The following RNF2 variants were observed in gnomAD, a reference collection of about 807,000 sequenced individuals.
RNF2 encodes the protein E3 ubiquitin-protein ligase RING2.
Under a neutral mutation model 37.2 loss-of-function variants are expected in RNF2, and 6 were observed. The ratio of observed to expected loss-of-function variants is 0.16; its 90% confidence interval spans 0.09 to 0.32. The LOEUF (loss-of-function observed/expected upper bound fraction) is 0.32. RNF2 is among the 10% of genes least tolerant of loss of function. The probability of loss-of-function intolerance (pLI) is 1.00; values close to 1 mark genes in which losing one functional copy is unlikely to be tolerated. For missense variants in RNF2, 251 were observed against 404.0 expected (o/e 0.62, Z 3.25); for synonymous variants, 133 against 132.7 (o/e 1.00, Z -0.02).
chr1:185,079,494 T>C (rs1311208539), intron 1 of RNF2, among the ~76,000 whole-genome samples: 1 of 152,264 alleles, frequency 6.6e-6, no homozygotes, highest in Non-Finnish European at 1.5e-5. Context: ...AAAGCATCTT[T>C]GAAACAACCA....
chr1:185,080,100 G>A (rs979146026), intron 1 of RNF2, among the ~76,000 whole-genome samples: 2 of 152,090 alleles, frequency 1.3e-5, no homozygotes, highest in African/African-American at 4.8e-5. Context: ...ATTTTGTGTG[G>A]CACCTCACTT....
At position 185,101,757 on chromosome 1, in the gene RNF2, C is replaced by T. The variant is rs142668963; in HGVS notation, c.*1456C>T. ...AGCTTGATGTTTTAAATCTTCAGCCCGGTATGAAAACTTAAAGGTATATAT... is the reference window on the plus strand; with the variant it reads ...AGCTTGATGTTTTAAATCTTCAGCCTGGTATGAAAACTTAAAGGTATATAT... On this transcript the variant is annotated 3_prime_UTR_variant, in exon 7 of 7. Coordinates refer to ENST00000367510, the MANE Select transcript of RNF2 (RefSeq NM_007212.4). 26 of 150,336 alleles carry T rather than the reference C, an allele frequency of 1.7e-4. No individual in the cohort carries two copies. Among genetic ancestry groups the T allele is most frequent in the African/African-American group, 3.9e-4 (16 of 40,720 alleles). 9.3% of individuals were successfully genotyped at this position (150,336 alleles called of 1,614,324 possible).
At chr1:185,087,477 T>A (rs1651636055) in intron 1 of RNF2, 75 bp from the exon 2 acceptor site, 22 of 1,224,598 alleles carry the variant, frequency 1.8e-5, no homozygotes, top group Non-Finnish European at 2.6e-5. Flanking sequence ...GGAATTTTGG[T>A]GGGACACATA....
chr1:185,046,702 C>T (rs1304776247), intron 1 of RNF2, among the ~76,000 whole-genome samples: 1 of 152,098 alleles, frequency 6.6e-6, no homozygotes, highest in Non-Finnish European at 1.5e-5. Flanking sequence ...TTTAGTAATA[C>T]GCTGTTTTTC....
chr1:185,048,766 TA>T (rs201413941), intron 1 of RNF2, among the ~76,000 whole-genome samples: 29 of 146,944 alleles, frequency 2.0e-4, no homozygotes, highest in African/African-American at 1.7e-4. Flanking sequence ...TCACATGTAG[TA>T]AAAAAAAAAA....
chr1:185,060,980 G>A (rs867962013), intron 1 of RNF2, among the ~76,000 whole-genome samples: 3 of 152,028 alleles, frequency 2.0e-5, no homozygotes, highest in African/African-American at 2.4e-5. Flanking sequence ...GTAGCTGAGC[G>A]TGGTCATGAG....
intron 1 of RNF2, among the ~76,000 whole-genome samples, chr1:185,056,147 GGAGTTCTCCATTACTTGAA>G (rs1188989013): frequency 2.6e-5 from 4 of 151,860 alleles, no homozygotes; most frequent in Admixed American, 1.3e-4. Flanking sequence ...ATTTTTTTCA[GGAGTTCTCCATTACTTGAA>G]GAGTTCTCCA....
intron 2 of RNF2, among the ~76,000 whole-genome samples, chr1:185,091,027 G>A (rs1171822788): frequency 1.3e-5 from 2 of 152,154 alleles, no homozygotes; most frequent in African/African-American, 4.8e-5. Context: ...AATTTTCGGG[G>A]TTCAAAAGTA....
At chr1:185,087,668 C>T in intron 2 of RNF2, 28 bp downstream of exon 2, 6 of 1,508,258 alleles carry the variant, frequency 4.0e-6, no homozygotes, top group Non-Finnish European at 5.5e-6. Flanking sequence ...TGCCAAGGGG[C>T]ATATGAGACG....
chr1:185,085,068 A>G (rs1263340680), intron 1 of RNF2, among the ~76,000 whole-genome samples: 4 of 151,330 alleles, frequency 2.6e-5, no homozygotes, highest in Non-Finnish European at 5.9e-5. Flanking sequence ...CTTCCAACGC[A>G]TACTTTTCTT....
intron 1 of RNF2, among the ~76,000 whole-genome samples, chr1:185,059,498 GTTATCTC>G (rs920507918): frequency 7.4e-4 from 112 of 152,260 alleles, no homozygotes; most frequent in African/African-American, 2.6e-3. Flanking sequence ...GCAAATTAGT[GTTATCTC>G]TAATCACATT....
At chr1:185,059,797 C>G (rs1650547587) in intron 1 of RNF2, among the ~76,000 whole-genome samples, 1 of 152,198 alleles carries the variant, frequency 6.6e-6, no homozygotes, top group African/African-American at 2.4e-5. Flanking sequence ...ATATTTTTAT[C>G]TCTAGAAATG....
chr1:185,048,760 A>G (rs951127826), intron 1 of RNF2, among the ~76,000 whole-genome samples: 1 of 152,118 alleles, frequency 6.6e-6, no homozygotes, highest in Non-Finnish European at 1.5e-5. Flanking sequence ...TGAAAATCAC[A>G]TGTAGTAAAA....
At chr1:185,056,137 A>AT (rs1425521632) in intron 1 of RNF2, among the ~76,000 whole-genome samples, 2 of 152,160 alleles carry the variant, frequency 1.3e-5, no homozygotes, top group African/African-American at 2.4e-5. Context: ...CTTCTGAAAT[A>AT]TTTTTTTCAG....
chr1:185,096,601 C>G (rs1282434086), intron 4 of RNF2, among the ~76,000 whole-genome samples: 1 of 151,326 alleles, frequency 6.6e-6, no homozygotes, highest in Non-Finnish European at 1.5e-5. Flanking sequence ...ATTTATTTCT[C>G]TTTTTACTTG....
chr1:185,098,653 C>G (rs1452417144), intron 5 of RNF2, among the ~76,000 whole-genome samples: 5 of 152,184 alleles, frequency 3.3e-5, no homozygotes, highest in South Asian at 4.1e-4. Flanking sequence ...TACGTTACCA[C>G]TGTATCTCCA....
At chr1:185,095,334 T>C (rs1176212759) in intron 4 of RNF2, among the ~76,000 whole-genome samples, 3 of 152,204 alleles carry the variant, frequency 2.0e-5, no homozygotes, top group African/African-American at 7.2e-5. Context: ...TTACTGTTCT[T>C]CAGACTCACC....
chr1:185,064,103 T>G (rs1445839307), intron 1 of RNF2, among the ~76,000 whole-genome samples: 1 of 152,230 alleles, frequency 6.6e-6, no homozygotes, highest in Non-Finnish European at 1.5e-5. Context: ...AGTTAGAGAC[T>G]TAATTCAGAA....
intron 4 of RNF2, among the ~76,000 whole-genome samples, chr1:185,093,669 G>A (rs1651832708): frequency 2.0e-5 from 3 of 152,048 alleles, no homozygotes; most frequent in South Asian, 4.1e-4. Context: ...CAGACCTCGC[G>A]TTACTTAGCA....
Sources: gnomAD v4.1 joint callset for allele counts (sites outside exome capture counted in the v4.1 genomes callset) on GRCh38, gnomAD v4.1.1 for gene constraint, MANE v1.5 for transcripts, NCBI Gene and HGNC (gene_info 2026-07-23, HGNC 2026-07-21) for gene names.